The following CDH13 variants were observed in gnomAD, a reference collection of about 807,000 sequenced individuals.
CDH13 encodes the protein cadherin 13.
CDH13 carries 24 observed loss-of-function variants against 63.8 expected under a neutral mutation model. The observed-to-expected ratio is 0.38, with a 90% CI of 0.27 to 0.53. CDH13 has a LOEUF of 0.53. Ranked by LOEUF, CDH13 falls within the 20% of genes least tolerant of loss-of-function variation. The pLI, the probability that CDH13 is intolerant of heterozygous loss-of-function variation, is 0.85. For missense variants in CDH13, 1,049 were observed against 903.1 expected (o/e 1.16, Z -2.07); for synonymous variants, 503 against 355.3 (o/e 1.42, Z -4.67).
chr16:83,334,986 T>C (rs1439404367), intron 5 of CDH13, among the ~76,000 whole-genome samples: 1 of 152,160 alleles, frequency 6.6e-6, no homozygotes, highest in Non-Finnish European at 1.5e-5. Context: ...AAGTGTCACA[T>C]TAATAAACTG....
intron 1 of CDH13, among the ~76,000 whole-genome samples, chr16:82,750,227 G>C (rs79909563): frequency 0.098 from 14,936 of 152,108 alleles, 833 homozygotes; most frequent in East Asian, 0.23. Flanking sequence ...TCTGTGGCCA[G>C]AAATAAGAAT....
At chr16:83,100,747 G>T (rs956056459) in intron 3 of CDH13, among the ~76,000 whole-genome samples, 2 of 152,162 alleles carry the variant, frequency 1.3e-5, no homozygotes, top group African/African-American at 2.4e-5. Context: ...CCATATGTTC[G>T]TGCAAGTTAC....
intron 4 of CDH13, among the ~76,000 whole-genome samples, chr16:83,213,861 A>T (rs947200600): frequency 1.2e-4 from 18 of 152,080 alleles, no homozygotes; most frequent in Admixed American, 2.0e-4. Context: ...AAAATGCACC[A>T]ATCAGTGCTC....
At chr16:82,697,723 T>A (rs2030496053) in intron 1 of CDH13, among the ~76,000 whole-genome samples, 1 of 151,104 alleles carries the variant, frequency 6.6e-6, no homozygotes, top group Non-Finnish European at 1.5e-5. Context: ...CCACCGCACC[T>A]GGCTGGGCCG....
intron 7 of CDH13, among the ~76,000 whole-genome samples, chr16:83,572,317 G>C (rs928874774): frequency 6.6e-6 from 1 of 151,916 alleles, no homozygotes; most frequent in Non-Finnish European, 1.5e-5. Flanking sequence ...CTCCCGAGTA[G>C]CTGGGAAGAG....
chr16:83,050,634 T>G (rs2030210352), intron 3 of CDH13, among the ~76,000 whole-genome samples: 1 of 152,186 alleles, frequency 6.6e-6, no homozygotes, highest in Admixed American at 6.5e-5. Context: ...TTTAAAGATC[T>G]CTTCTTCAGC....
chr16:82,851,571 A>C (rs906559734), intron 1 of CDH13, among the ~76,000 whole-genome samples: 1 of 152,124 alleles, frequency 6.6e-6, no homozygotes, highest in African/African-American at 2.4e-5. Flanking sequence ...AATGACCAGA[A>C]ACGTGTCAGG....
In CDH13 at chr16:83,032,023, C is replaced by T. The variant is rs746000723; in HGVS notation, c.171C>T (p.Asp57=). Reference sequence around the variant, plus strand: ...TTTGTTTCCCAGTGACCTTCAGTGACTGTAAGGGAAACGACAAGCTACGCT... The same window carrying T: ...TTTGTTTCCCAGTGACCTTCAGTGATTGTAAGGGAAACGACAAGCTACGCT... ...DQSILNLTFS[D]CKGNDKLRYE... is the part of the protein sequence containing the mutation. Residue 57 remains aspartate, a synonymous_variant, in exon 3 of 14, where the codon GAC becomes GAT. Coordinates refer to ENST00000567109, the MANE Select transcript of CDH13 (RefSeq NM_001257.5). 1.3e-6 allele frequency: 2 copies of T among 1,593,146 alleles called. No homozygotes were observed. The highest frequency in any genetic ancestry group is 1.7e-6 in the Non-Finnish European group (2 of 1,169,592).
chr16:83,475,032 T>C (rs1269538863), intron 6 of CDH13, among the ~76,000 whole-genome samples: 2 of 152,242 alleles, frequency 1.3e-5, no homozygotes, highest in African/African-American at 4.8e-5. Context: ...TCCCAGGCCT[T>C]CCGCCATCTG....
chr16:83,080,315 T>A (rs556652162), intron 3 of CDH13, among the ~76,000 whole-genome samples: 1 of 152,150 alleles, frequency 6.6e-6, no homozygotes, highest in Non-Finnish European at 1.5e-5. Flanking sequence ...CCCAGGAAAA[T>A]TGAGACACCT....
rs746633264 is a variant in CDH13 at position 83,602,600 on chromosome 16, C to T, written c.1101+6C>T. ...CAAAATTCACCAAGAAAGAGGTAAA[C>T]CCCTGTGCCAAACACCAACCACCAC... is the stretch of plus-strand genomic sequence containing the variant. On this transcript the variant is annotated splice_donor_region_variant and intron_variant, in intron 8 of 13. Coordinates refer to ENST00000567109, the MANE Select transcript of CDH13 (RefSeq NM_001257.5). 7 of 1,613,828 alleles carry T rather than the reference C, an allele frequency of 4.3e-6. No individual in the cohort carries two copies. The highest frequency in any genetic ancestry group is 5.9e-6 in the Non-Finnish European group (7 of 1,179,776).
At chr16:83,565,438 C>G (rs1192478193) in intron 7 of CDH13, among the ~76,000 whole-genome samples, 1 of 143,278 alleles carries the variant, frequency 7.0e-6, no homozygotes, top group Non-Finnish European at 1.5e-5. Context: ...ATTACCGAGT[C>G]TCTTCTTTCC....
At chr16:83,664,565 T>C (rs1027236195) in intron 8 of CDH13, among the ~76,000 whole-genome samples, 61 of 150,858 alleles carry the variant, frequency 4.0e-4, no homozygotes, top group South Asian at 1.0e-3. Flanking sequence ...TATATATATA[T>C]ATATAGTGCA....
At chr16:82,636,268 G>A (rs1908643237) in intron 1 of CDH13, among the ~76,000 whole-genome samples, 1 of 152,018 alleles carries the variant, frequency 6.6e-6, no homozygotes, top group African/African-American at 2.4e-5. Flanking sequence ...TTGTAAACAG[G>A]GTCGGTCTGA....
intron 5 of CDH13, among the ~76,000 whole-genome samples, chr16:83,336,458 G>T (rs76161362): frequency 1.3e-5 from 2 of 152,188 alleles, no homozygotes; most frequent in Admixed American, 6.5e-5. Context: ...GCCCCAGAGA[G>T]GTAATTCGGA....
intron 5 of CDH13, among the ~76,000 whole-genome samples, chr16:83,316,160 T>G (rs1407303129): frequency 6.6e-6 from 1 of 152,046 alleles, no homozygotes; most frequent in Admixed American, 6.5e-5. Flanking sequence ...ACTCACTGAC[T>G]ATCACAAGAA....
intron 3 of CDH13, among the ~76,000 whole-genome samples, chr16:83,042,844 G>A (rs1917445301): frequency 1.3e-5 from 2 of 152,162 alleles, no homozygotes; most frequent in Admixed American, 6.5e-5. Flanking sequence ...CAATCCCAGT[G>A]GAGAATGAAT....
At chr16:83,230,152 A>T (rs2039962942) in intron 5 of CDH13, among the ~76,000 whole-genome samples, 1 of 152,210 alleles carries the variant, frequency 6.6e-6, no homozygotes, top group Non-Finnish European at 1.5e-5. Context: ...TTAGTCGTGA[A>T]TGCATTTTCT....
At chr16:83,389,121 G>T (rs2091735370) in intron 6 of CDH13, among the ~76,000 whole-genome samples, 2 of 152,120 alleles carry the variant, frequency 1.3e-5, no homozygotes, top group South Asian at 4.1e-4. Flanking sequence ...TGAAGACTTA[G>T]TTCTCAAACG....
Sources: allele counts gnomAD v4.1 joint callset (sites outside exome capture counted in the v4.1 genomes callset), GRCh38; gene constraint gnomAD v4.1.1; transcripts MANE v1.5; gene names NCBI Gene and HGNC (gene_info 2026-07-23, HGNC 2026-07-21).